Variants in TLL1 observed in about 807,000 individuals in gnomAD.
TLL1 encodes tolloid-like protein 1.
In TLL1, 49 loss-of-function variants were observed where a neutral mutation model predicts 128.2. That is an observed-to-expected ratio of 0.38 (90% CI 0.30 to 0.48). TLL1 has a LOEUF of 0.48. TLL1 is among the 20% of genes least tolerant of loss of function. The pLI is 0.96. For synonymous variants in TLL1, 454 were observed against 418.8 expected (o/e 1.08, Z -1.03); for missense variants, 1,123 against 1,242.0 (o/e 0.90, Z 1.44).
At chr4:165,905,008 A>G (rs1311573275) in intron 1 of TLL1, among the ~76,000 whole-genome samples, 1 of 152,222 alleles carries the variant, frequency 6.6e-6, no homozygotes, top group Admixed American at 6.5e-5. Flanking sequence ...ACCATTAGGC[A>G]AATGAAGGGC....
At chr4:165,967,095 G>T (rs546258984) in intron 1 of TLL1, among the ~76,000 whole-genome samples, 1 of 152,248 alleles carries the variant, frequency 6.6e-6, no homozygotes, top group South Asian at 2.1e-4. Context: ...GCTGTTCCTT[G>T]CTGAGAAAAA....
chr4:165,914,287 G>C (rs1387168828), intron 1 of TLL1, among the ~76,000 whole-genome samples: 2 of 152,034 alleles, frequency 1.3e-5, no homozygotes, highest in East Asian at 3.9e-4. Context: ...TATTTATATA[G>C]ATATAAAGAA....
chr4:165,893,558 CCCTA>C (rs1731513997), intron 1 of TLL1, among the ~76,000 whole-genome samples: 1 of 152,130 alleles, frequency 6.6e-6, no homozygotes, highest in African/African-American at 2.4e-5. Context: ...TGCAGAGAAT[CCCTA>C]CCTTGTATTC....
chr4:165,957,048 G>C (rs548955916), intron 1 of TLL1, among the ~76,000 whole-genome samples: 1 of 152,038 alleles, frequency 6.6e-6, no homozygotes, highest in Admixed American at 6.6e-5. Flanking sequence ...CCACTTAAAA[G>C]GCACGGAGTG....
intron 1 of TLL1, among the ~76,000 whole-genome samples, chr4:165,947,927 G>A (rs566364594): frequency 2.0e-5 from 3 of 152,256 alleles, no homozygotes; most frequent in East Asian, 3.9e-4. Flanking sequence ...AACGAAATAA[G>A]GCTGTTTGAA....
At chr4:166,003,957 C>T (rs1353504940) in intron 6 of TLL1, among the ~76,000 whole-genome samples, 2 of 151,974 alleles carry the variant, frequency 1.3e-5, no homozygotes, top group Admixed American at 1.3e-4. Flanking sequence ...TGGGGTTTGC[C>T]ATAACACGTG....
chr4:165,912,957 A>C (rs1292429999), intron 1 of TLL1, among the ~76,000 whole-genome samples: 1 of 152,148 alleles, frequency 6.6e-6, no homozygotes, highest in Non-Finnish European at 1.5e-5. Context: ...ATCAAATATA[A>C]AATACCTTAA....
chr4:165,969,592 C>T (rs946859147), intron 1 of TLL1, among the ~76,000 whole-genome samples: 2 of 152,068 alleles, frequency 1.3e-5, no homozygotes, highest in African/African-American at 4.8e-5. Flanking sequence ...TTTCTTCAAA[C>T]CAATAAAAGT....
intron 2 of TLL1, among the ~76,000 whole-genome samples, chr4:165,990,470 T>C (rs560183302): frequency 2.0e-5 from 3 of 152,134 alleles, no homozygotes; most frequent in African/African-American, 7.2e-5. Flanking sequence ...TTTTGCCACT[T>C]TTTACTATGA....
chr4:166,047,550 T>C lies in TLL1; in HGVS notation c.1524+4131T>C, dbSNP rs950507731. On this transcript the variant is annotated intron_variant, in intron 12 of 20. Coordinates refer to ENST00000061240, the MANE Select transcript of TLL1 (RefSeq NM_012464.5). ...TATTATTCTTCAGATATAAGGACCA[T>C]GAAGATAAACTTGTCCATCATGCTG... 2.0e-5 allele frequency among the ~76,000 whole-genome samples: 3 copies of C among 150,416 alleles called. No homozygotes were observed. In the East Asian group the frequency reaches 5.8e-4, roughly 29 times the overall value.
chr4:165,930,166 G>C (rs2110903707), intron 1 of TLL1, among the ~76,000 whole-genome samples: 1 of 152,066 alleles, frequency 6.6e-6, no homozygotes, highest in African/African-American at 2.4e-5. Flanking sequence ...ATCAAGGTCT[G>C]GGTGCATTCT....
chr4:166,088,997 C>T (rs910452109), intron 18 of TLL1, among the ~76,000 whole-genome samples: 4 of 152,124 alleles, frequency 2.6e-5, no homozygotes, highest in African/African-American at 9.7e-5. Flanking sequence ...TTACTTATAG[C>T]AAATACTTTA....
intron 1 of TLL1, among the ~76,000 whole-genome samples, chr4:165,973,428 C>G (rs947905317): frequency 2.6e-5 from 4 of 151,846 alleles, no homozygotes; most frequent in African/African-American, 4.8e-5. Context: ...GGAATCGAGT[C>G]CTTGAGTATT....
At chr4:166,008,232 T>C (rs74646065) in intron 7 of TLL1, among the ~76,000 whole-genome samples, 184 bp downstream of exon 7, 6,625 of 151,630 alleles carry the variant, frequency 0.044, 496 homozygotes, top group African/African-American at 0.15. Context: ...ATTTTAAAAA[T>C]ATATTTTTAA....
chr4:166,030,510 T>C, intron 9 of TLL1: 1 of 622,872 alleles, frequency 1.6e-6, no homozygotes, highest in Non-Finnish European at 2.9e-6. Flanking sequence ...TAAAGTTTGA[T>C]GTCATACCAC....
rs140712831 is a variant in TLL1 at position 166,018,681 on chromosome 4, C to T, written c.1042+4121C>T. On this transcript the variant is annotated intron_variant, in intron 8 of 20. Transcript: ENST00000061240. Reference sequence around the variant, plus strand: ...TACTTCTCAAAAGAAGAGATACAATCAGCCAACAAACATATGAAAAAATGC... The same window carrying T: ...TACTTCTCAAAAGAAGAGATACAATTAGCCAACAAACATATGAAAAAATGC... Among the ~76,000 whole-genome samples, 50 of 152,072 alleles carry T rather than the reference C, an allele frequency of 3.3e-4. No homozygotes were observed. The East Asian group carries it at 9.5e-3, about 29-fold the overall frequency.
chr4:165,966,517 C>T (rs547749866), intron 1 of TLL1, among the ~76,000 whole-genome samples: 40 of 152,248 alleles, frequency 2.6e-4, no homozygotes, highest in Admixed American at 2.1e-3. Context: ...GAAGATGTAT[C>T]GGGGGAACCA....
intron 12 of TLL1, chr4:166,044,344 G>T (rs1251010349): frequency 1.3e-6 from 2 of 1,535,388 alleles, no homozygotes; most frequent in Non-Finnish European, 1.7e-6. Context: ...CGTGGTCATG[G>T]TTGTGTGTCT....
chr4:166,073,630 A>G (rs1257572187), intron 16 of TLL1, among the ~76,000 whole-genome samples: 4 of 152,160 alleles, frequency 2.6e-5, no homozygotes, highest in African/African-American at 9.7e-5. Flanking sequence ...GCCTGTATGT[A>G]TTTAAAATAT....
Sources: allele counts gnomAD v4.1 joint callset (sites outside exome capture counted in the v4.1 genomes callset), GRCh38; gene constraint gnomAD v4.1.1; transcripts MANE v1.5; gene names NCBI Gene and HGNC (gene_info 2026-07-23, HGNC 2026-07-21).